ISY1: variants seen among roughly 807,000 people sequenced by gnomAD.
ISY1 encodes ISY1 spliceosome associated protein.
Under a neutral mutation model 54.4 loss-of-function variants are expected in ISY1, and 12 were observed. The observed-to-expected ratio is 0.22, with a 90% confidence interval of 0.14 to 0.36. The LOEUF (loss-of-function observed/expected upper bound fraction) is 0.36, where lower values mean the gene tolerates loss of function less well. Ranked by LOEUF, ISY1 falls within the 10% of genes least tolerant of loss-of-function variation. The pLI, the probability that ISY1 is intolerant of heterozygous loss-of-function variation, is 1.00. For synonymous variants in ISY1, 96 were observed against 117.9 expected (o/e 0.81, Z 1.20); for missense variants, 282 against 342.2 (o/e 0.82, Z 1.39).
chr3:129,157,674 T>A (rs1370010501), intron 3 of ISY1, among the ~76,000 whole-genome samples: 2 of 125,962 alleles, frequency 1.6e-5, no homozygotes, highest in African/African-American at 6.2e-5. Flanking sequence ...TGAGCCAAGA[T>A]CACGCCACTG....
At chr3:129,160,883 G>C in intron 1 of ISY1, 90 bp downstream of exon 1, 2 of 1,478,748 alleles carry the variant, frequency 1.4e-6, no homozygotes, top group African/African-American at 2.8e-5. Flanking sequence ...GCACGTCTGA[G>C]CCTCTACCGA....
At chr3:129,160,851 G>A (rs1377834484) in intron 1 of ISY1, 122 bp downstream of exon 1, 3 of 1,252,836 alleles carry the variant, frequency 2.4e-6, no homozygotes, top group African/African-American at 3.0e-5. Flanking sequence ...GTTACACCAA[G>A]GAACTTGAAG....
intron 5 of ISY1, among the ~76,000 whole-genome samples, chr3:129,153,949 T>C (rs1366698301): frequency 6.6e-6 from 1 of 150,750 alleles, no homozygotes; most frequent in Non-Finnish European, 1.5e-5. Flanking sequence ...TACTAAAAAA[T>C]TACAAAAATT....
intron 5 of ISY1, among the ~76,000 whole-genome samples, chr3:129,149,298 A>G (rs1936863572): frequency 6.6e-6 from 1 of 151,294 alleles, no homozygotes; most frequent in African/African-American, 2.4e-5. Flanking sequence ...GTATGGTGAC[A>G]CATGCATGTA....
chr3:129,140,562 G>T, intron 6 of ISY1, 77 bp from the exon 7 acceptor site: 1 of 1,420,466 alleles, frequency 7.0e-7, no homozygotes, highest in Non-Finnish European at 9.5e-7. Context: ...TATTTGAGGC[G>T]GAGTCTCGCT....
At chr3:129,147,396 A>T (rs1457174526) in intron 5 of ISY1, among the ~76,000 whole-genome samples, 1 of 152,120 alleles carries the variant, frequency 6.6e-6, no homozygotes, top group Non-Finnish European at 1.5e-5. Context: ...AAAAATAAAA[A>T]AAATACATTT....
intron 6 of ISY1, chr3:129,144,283 C>A: frequency 3.1e-6 from 1 of 325,118 alleles, no homozygotes; most frequent in South Asian, 2.5e-5. Flanking sequence ...TTAGGCAAGA[C>A]ACCCAAGAGA....
chr3:129,149,986 A>G (rs1198540670), intron 5 of ISY1, among the ~76,000 whole-genome samples: 22 of 151,282 alleles, frequency 1.5e-4, no homozygotes, highest in African/African-American at 2.9e-4. Context: ...AAAAAAAAAA[A>G]AAAAAGAAAA....
In ISY1 at chr3:129,140,349, C is replaced by G. The variant is rs764775402; in HGVS notation, c.418+19G>C. 1.4e-6 allele frequency: 2 copies of G among 1,475,240 alleles called. No individual in the cohort carries two copies. Among genetic ancestry groups the G allele is most frequent in the Non-Finnish European group, 1.8e-6 (2 of 1,122,652 alleles). The allele number at this position is 1,475,240 out of a possible 1,614,324, so 91.4% of individuals were successfully genotyped here. Reference sequence around the variant, plus strand: ...GATTATTACCAATGAAAGGCTAAAACTGTCACAAACTTACTTACGTTCTTT... The same window carrying G: ...GATTATTACCAATGAAAGGCTAAAAGTGTCACAAACTTACTTACGTTCTTT... On this transcript the variant is annotated intron_variant, in intron 7 of 10. Transcript: ENST00000393295.
At chr3:129,158,587 T>C in intron 2 of ISY1, 28 bp from the exon 3 acceptor site, 1 of 1,613,770 alleles carries the variant, frequency 6.2e-7, no homozygotes, top group Admixed American at 1.7e-5. Flanking sequence ...GATAAAAGAC[T>C]CCATTAGATC....
Position 129,158,595 on chromosome 3 carries a change from A to G in ISY1, c.27-36T>C, listed in dbSNP as rs1937214384. 5 of 1,613,456 alleles carry G rather than the reference A, an allele frequency of 3.1e-6. No individual in the cohort carries two copies. The African/African-American group carries it at 5.3e-5, about 17-fold the overall frequency. ...TATAAAAGATAAAAGACTCCATTAGATCCTGCTCATACAGACTTCTCATTA... is the reference window on the plus strand; with the variant it reads ...TATAAAAGATAAAAGACTCCATTAGGTCCTGCTCATACAGACTTCTCATTA... On this transcript the variant is annotated intron_variant, in intron 2 of 10. Coordinates refer to ENST00000393295, the MANE Select transcript of ISY1 (RefSeq NM_020701.4).
chr3:129,159,320 T>C, intron 1 of ISY1, 144 bp from the exon 2 acceptor site: 7 of 1,073,880 alleles, frequency 6.5e-6, no homozygotes, highest in Non-Finnish European at 9.2e-6. Flanking sequence ...TAAACAAAAA[T>C]CAAAAGATGT....
intron 3 of ISY1, 94 bp from the exon 4 acceptor site, chr3:129,157,014 ATGGCCTAAAAAC>A: frequency 7.3e-7 from 1 of 1,376,894 alleles, no homozygotes; most frequent in Non-Finnish European, 1.0e-6. Context: ...AAATCATCTA[ATGGCCTAAAAAC>A]ATTTGAAGTT....
At chr3:129,137,802 CTCGGGAGG>C (rs2107604363) in intron 7 of ISY1, among the ~76,000 whole-genome samples, 1 of 147,672 alleles carries the variant, frequency 6.8e-6, no homozygotes, top group East Asian at 2.0e-4. Flanking sequence ...GTCCCAGCTA[CTCGGGAGG>C]CTGAGGCAGG....
intron 7 of ISY1, among the ~76,000 whole-genome samples, chr3:129,137,410 T>TA (rs998969530): frequency 2.0e-5 from 3 of 151,778 alleles, no homozygotes; most frequent in African/African-American, 7.3e-5. Context: ...AAAGGAAAAA[T>TA]AAATTTAAAA....
chr3:129,159,105 G>T, intron 2 of ISY1, 49 bp downstream of exon 2: 1 of 1,595,878 alleles, frequency 6.3e-7, no homozygotes, highest in Admixed American at 1.8e-5. Context: ...GTTACATGGT[G>T]GTTTTTAAGT....
At chr3:129,144,776 A>G (rs1936722466) in intron 6 of ISY1, among the ~76,000 whole-genome samples, 1 of 152,148 alleles carries the variant, frequency 6.6e-6, no homozygotes, top group Non-Finnish European at 1.5e-5. Context: ...TTTGAAAGCT[A>G]TGGTTCTAGA....
chr3:129,143,115 T>A (rs1398046505), intron 6 of ISY1, among the ~76,000 whole-genome samples: 1 of 151,760 alleles, frequency 6.6e-6, no homozygotes. Context: ...CTCAGGAGGC[T>A]GAGGTAAAAG....
chr3:129,128,959 C>A lies in ISY1; in HGVS notation c.*1122G>T, dbSNP rs1230476256. On this transcript the variant is annotated 3_prime_UTR_variant, in exon 11 of 11. Transcript: ENST00000393295. ...GTGCTTTCAGCAGGCCACGGTGCAG[C>A]CCACTGCAAGGAGCCCTGTCTACAG... is the stretch of plus-strand genomic sequence containing the variant. 6.6e-6 allele frequency: 1 copy of A among 152,384 alleles called. No individual in the cohort carries two copies. The highest frequency in any genetic ancestry group is 1.9e-4 in the East Asian group (1 of 5,188). 9.4% of individuals were successfully genotyped at this position (152,384 alleles called of 1,614,324 possible). A position where few individuals can be genotyped will look rare whatever the true frequency, so the allele number is the denominator to read the frequency against.
Sources: gnomAD v4.1 joint callset for allele counts (sites outside exome capture counted in the v4.1 genomes callset) on GRCh38, gnomAD v4.1.1 for gene constraint, MANE v1.5 for transcripts, NCBI Gene and HGNC (gene_info 2026-07-23, HGNC 2026-07-21) for gene names.